ANKS1B: variants seen among roughly 807,000 people sequenced by gnomAD.
ANKS1B encodes the protein ankyrin repeat and sterile alpha motif domain-containing protein 1B.
Under a neutral mutation model 148.3 loss-of-function variants are expected in ANKS1B, and 36 were observed. That is an observed-to-expected ratio of 0.24 (90% CI 0.19 to 0.32). The LOEUF is 0.32. Among genes scored for constraint, ANKS1B ranks in the 10% least tolerant of loss-of-function variants. The pLI is 1.00. For synonymous variants in ANKS1B, 542 were observed against 560.8 expected (o/e 0.97, Z 0.47); for missense variants, 1,157 against 1,542.6 (o/e 0.75, Z 4.19).
chr12:99,199,402 C>T (rs762083706), intron 14 of ANKS1B, among the ~76,000 whole-genome samples: 48 of 152,132 alleles, frequency 3.2e-4, no homozygotes, highest in Non-Finnish European at 5.1e-4. Context: ...CTTTCACTTT[C>T]AGCCCTAGTC....
intron 10 of ANKS1B, among the ~76,000 whole-genome samples, chr12:99,447,731 T>C (rs1337846703): frequency 6.6e-6 from 1 of 152,018 alleles, no homozygotes; most frequent in Non-Finnish European, 1.5e-5. Context: ...ATCCAAAATA[T>C]ATGGAACTCA....
chr12:99,679,865 A>T (rs1388037464), intron 8 of ANKS1B, among the ~76,000 whole-genome samples: 1 of 152,206 alleles, frequency 6.6e-6, no homozygotes, highest in Non-Finnish European at 1.5e-5. Context: ...ACTCGGATGG[A>T]GAGAACAGCA....
At chr12:99,809,180 C>T (rs1366532028) in intron 3 of ANKS1B, among the ~76,000 whole-genome samples, 1 of 151,404 alleles carries the variant, frequency 6.6e-6, no homozygotes, top group Non-Finnish European at 1.5e-5. Context: ...TCTTTTTTAC[C>T]AAATGGGTAT....
At chr12:98,742,631 G>A (rs567637473), downstream of ANKS1B, among the ~76,000 whole-genome samples, 5 of 152,206 alleles carry the variant, frequency 3.3e-5, no homozygotes, top group Admixed American at 2.6e-4. Context: ...GGGTTATTTC[G>A]ACCACAAAAT....
intron 12 of ANKS1B, among the ~76,000 whole-genome samples, chr12:99,383,196 G>A (rs553892150): frequency 1.1e-4 from 17 of 152,240 alleles, no homozygotes; most frequent in Non-Finnish European, 1.0e-4. Flanking sequence ...CTAAACCTTA[G>A]ATGGTTTCCC....
At chr12:99,369,942 C>T (rs1002536647) in intron 12 of ANKS1B, among the ~76,000 whole-genome samples, 3 of 151,526 alleles carry the variant, frequency 2.0e-5, no homozygotes, top group East Asian at 1.9e-4. Flanking sequence ...GGGTGATGGG[C>T]ATACGTTAAT....
chr12:98,975,621 G>C (rs1044840445), intron 17 of ANKS1B, among the ~76,000 whole-genome samples: 7 of 152,124 alleles, frequency 4.6e-5, no homozygotes, highest in African/African-American at 1.7e-4. Flanking sequence ...GCTACGAAGG[G>C]AAAGTCACAG....
chr12:99,129,410 G>A (rs1226833816), intron 15 of ANKS1B, among the ~76,000 whole-genome samples: 1 of 152,220 alleles, frequency 6.6e-6, no homozygotes, highest in Non-Finnish European at 1.5e-5. Flanking sequence ...GAATGGGACA[G>A]GGCCTGTCAG....
At chr12:99,265,537 A>C (rs1207045048) in intron 12 of ANKS1B, among the ~76,000 whole-genome samples, 1 of 152,160 alleles carries the variant, frequency 6.6e-6, no homozygotes, top group African/African-American at 2.4e-5. Flanking sequence ...TGCTCTACTG[A>C]TCACGAGTTA....
intron 25 of ANKS1B, among the ~76,000 whole-genome samples, chr12:98,772,753 C>T (rs1049147193): frequency 2.0e-5 from 3 of 152,162 alleles, no homozygotes; most frequent in African/African-American, 7.2e-5. Context: ...ACCATATCAG[C>T]CGCCATCTAC....
chr12:99,550,116 G>C (rs951888385), intron 9 of ANKS1B, among the ~76,000 whole-genome samples: 2 of 152,112 alleles, frequency 1.3e-5, no homozygotes, highest in Non-Finnish European at 2.9e-5. Context: ...AAGCCTAACA[G>C]ATCCCTAGTG....
chr12:99,472,751 A>G (rs1192862332), intron 10 of ANKS1B, among the ~76,000 whole-genome samples: 3 of 152,048 alleles, frequency 2.0e-5, no homozygotes, highest in African/African-American at 7.2e-5. Flanking sequence ...ACCAATCTCT[A>G]TACACCGAGT....
chr12:99,133,052 C>CT (rs1302597833), intron 15 of ANKS1B, among the ~76,000 whole-genome samples: 3 of 125,990 alleles, frequency 2.4e-5, no homozygotes, highest in East Asian at 2.3e-4. Flanking sequence ...CTTTTTCTTT[C>CT]TTTCTTTTTT....
At chr12:99,221,983 G>A (rs1171229448) in intron 14 of ANKS1B, among the ~76,000 whole-genome samples, 1 of 151,956 alleles carries the variant, frequency 6.6e-6, no homozygotes, top group East Asian at 1.9e-4. Flanking sequence ...TTAAAATTTT[G>A]CAGGCACATA....
At chr12:99,009,644 C>T (rs1339456847) in intron 17 of ANKS1B, among the ~76,000 whole-genome samples, 1 of 152,108 alleles carries the variant, frequency 6.6e-6, no homozygotes, top group South Asian at 2.1e-4. Context: ...TCTATCTCTC[C>T]ATAAGGCAGG....
chr12:99,744,575 C>T (rs1473120079), intron 8 of ANKS1B, among the ~76,000 whole-genome samples: 3 of 152,154 alleles, frequency 2.0e-5, no homozygotes, highest in Admixed American at 2.0e-4. Flanking sequence ...TGCTTAGTTC[C>T]TCTTTCTTCA....
At chr12:99,041,724 G>C (rs779539154) in intron 17 of ANKS1B, among the ~76,000 whole-genome samples, 1 of 152,120 alleles carries the variant, frequency 6.6e-6, no homozygotes, top group African/African-American at 2.4e-5. Flanking sequence ...TTGTGGGCCA[G>C]GCACATTGAC....
intron 17 of ANKS1B, among the ~76,000 whole-genome samples, chr12:98,986,316 T>C (rs2099923356): frequency 6.6e-6 from 1 of 152,136 alleles, no homozygotes; most frequent in South Asian, 2.1e-4. Context: ...TCTCTCTCTT[T>C]CCTTTTTCTA....
At chr12:98,891,735 T>G (rs1381122899) in intron 17 of ANKS1B, among the ~76,000 whole-genome samples, 1 of 151,286 alleles carries the variant, frequency 6.6e-6, no homozygotes, top group Non-Finnish European at 1.5e-5. Flanking sequence ...TCAATGCATA[T>G]TCACTCAAAT....
Sources: gnomAD v4.1 joint callset for allele counts (sites outside exome capture counted in the v4.1 genomes callset) on GRCh38, gnomAD v4.1.1 for gene constraint, MANE v1.5 for transcripts, NCBI Gene and HGNC (gene_info 2026-07-23, HGNC 2026-07-21) for gene names.